Variants in WASHC3 observed in about 807,000 individuals in gnomAD.
The protein encoded by WASHC3 is WASH complex subunit CCDC53.
Under a neutral mutation model 26.1 loss-of-function variants are expected in WASHC3, and 24 were observed. The observed-to-expected ratio is 0.92, with a 90% CI of 0.66 to 1.29. The LOEUF (loss-of-function observed/expected upper bound fraction) is 1.29. WASHC3 is among the 50% of genes most tolerant of loss of function. WASHC3 has a pLI of 0.00. For synonymous variants in WASHC3, 77 were observed against 75.7 expected (o/e 1.02, Z -0.09); for missense variants, 214 against 229.6 (o/e 0.93, Z 0.44).
rs541475917 is a variant in WASHC3, at chr12:102,048,763, G to T, written c.151-2644C>A. Among the ~76,000 whole-genome samples the T allele has an allele frequency of 1.9e-3, 288 of 152,094 alleles. 1 individual carries two copies. The highest frequency in any genetic ancestry group is 6.3e-3 in the African/African-American group (261 of 41,502). ...ATAAAGAACCTACTAGTATGTCATA[G>T]TTTTAAATTTTTTTAAGTATATAAC... is the stretch of plus-strand genomic sequence containing the variant. On this transcript the variant is annotated intron_variant, in intron 2 of 6. Transcript: ENST00000240079.
At chr12:102,018,593 C>T (rs1214561577) in intron 6 of WASHC3, among the ~76,000 whole-genome samples, 1 of 152,110 alleles carries the variant, frequency 6.6e-6, no homozygotes, top group Non-Finnish European at 1.5e-5. Context: ...CTGCCTTAGC[C>T]TCCCAAGTAC....
At chr12:102,042,109 A>G (rs1877963311) in intron 4 of WASHC3, among the ~76,000 whole-genome samples, 1 of 152,136 alleles carries the variant, frequency 6.6e-6, no homozygotes, top group Non-Finnish European at 1.5e-5. Flanking sequence ...CATAATAACT[A>G]CTAGGTAGTG....
chr12:102,058,521 T>C (rs1430999847), intron 2 of WASHC3, among the ~76,000 whole-genome samples: 2 of 152,054 alleles, frequency 1.3e-5, no homozygotes, highest in African/African-American at 2.4e-5. Flanking sequence ...AAACCATCAA[T>C]AGAGTGAAGA....
chr12:102,040,003 C>CTAAAGA, intron 4 of WASHC3, 25 bp from the exon 5 acceptor site: 1 of 1,122,658 alleles, frequency 8.9e-7, no homozygotes, highest in South Asian at 1.6e-5. Flanking sequence ...TGGTGTAAAT[C>CTAAAGA]TTTAGACAAT....
intron 2 of WASHC3, among the ~76,000 whole-genome samples, chr12:102,053,876 AAAT>A (rs1298476813): frequency 1.4e-5 from 2 of 143,978 alleles, no homozygotes; most frequent in Non-Finnish European, 2.9e-5. Context: ...AAACTATTAA[AAAT>A]AATAATAGCT....
chr12:102,061,817 G>A (rs1293799015), intron 1 of WASHC3, 95 bp downstream of exon 1: 2 of 1,084,258 alleles, frequency 1.8e-6, no homozygotes, highest in African/African-American at 1.6e-5. Context: ...GCCGTGACAG[G>A]GTGGGGACTC....
chr12:102,056,804 T>A (rs531082051), intron 2 of WASHC3, among the ~76,000 whole-genome samples: 1 of 152,248 alleles, frequency 6.6e-6, no homozygotes, highest in Non-Finnish European at 1.5e-5. Flanking sequence ...CCCCCAGGAC[T>A]TGATGCCTTC....
chr12:102,040,399 T>C (rs1209517251), intron 4 of WASHC3: 5 of 152,134 alleles, frequency 3.3e-5, no homozygotes, highest in African/African-American at 1.2e-4. Context: ...ATTTCCTAGG[T>C]ATCTAGAATC....
chr12:102,039,818 G>T, intron 5 of WASHC3, 50 bp downstream of exon 5: 1 of 824,788 alleles, frequency 1.2e-6, no homozygotes, highest in South Asian at 1.7e-5. Context: ...CCAGGGTTAA[G>T]AATTTCAAGT....
chr12:102,016,363 C>G (rs1490678185), intron 6 of WASHC3, among the ~76,000 whole-genome samples: 3 of 151,592 alleles, frequency 2.0e-5, no homozygotes, highest in African/African-American at 4.9e-5. Flanking sequence ...CACCACCATG[C>G]CCAGCTAATT....
At chr12:102,040,147 C>A in intron 4 of WASHC3, 169 bp from the exon 5 acceptor site, 2 of 367,698 alleles carry the variant, frequency 5.4e-6, no homozygotes, top group Non-Finnish European at 9.9e-6. Flanking sequence ...TTCCAAATAT[C>A]TACAAATATT....
chr12:102,022,572 T>C (rs974187442), intron 6 of WASHC3, among the ~76,000 whole-genome samples: 1 of 152,146 alleles, frequency 6.6e-6, no homozygotes, highest in Non-Finnish European at 1.5e-5. Flanking sequence ...TACAAGTAGG[T>C]AGACCATCTG....
At chr12:102,048,045 T>C (rs1469130190) in intron 2 of WASHC3, among the ~76,000 whole-genome samples, 1 of 152,206 alleles carries the variant, frequency 6.6e-6, no homozygotes, top group East Asian at 1.9e-4. Context: ...TAATGGTAAA[T>C]TCTTGGGTAT....
At chr12:102,014,113 C>T (rs533069795) in intron 6 of WASHC3, among the ~76,000 whole-genome samples, 3 of 152 alleles carry the variant, frequency 0.02, no homozygotes, top group South Asian at 0.12. Flanking sequence ...GATGGAGTCT[C>T]GCTCTTGTCA....
At chr12:102,042,802 GTTTGT>G (rs1243683961) in intron 4 of WASHC3, among the ~76,000 whole-genome samples, 2 of 152,156 alleles carry the variant, frequency 1.3e-5, no homozygotes, top group African/African-American at 2.4e-5. Context: ...TTATAAATCT[GTTTGT>G]TTTATTTGTT....
chr12:102,017,603 G>T (rs1876762702), intron 6 of WASHC3: 2 of 270,590 alleles, frequency 7.4e-6, no homozygotes, highest in South Asian at 6.6e-5. Flanking sequence ...AGTACACTGG[G>T]GTGCAACAGT....
At chr12:102,041,787 C>T (rs752090733) in intron 4 of WASHC3, among the ~76,000 whole-genome samples, 9 of 152,150 alleles carry the variant, frequency 5.9e-5, no homozygotes, top group Non-Finnish European at 1.2e-4. Flanking sequence ...AATTTTATCA[C>T]AGTATTTCAA....
At chr12:102,015,551 T>C (rs1013586634) in intron 6 of WASHC3, among the ~76,000 whole-genome samples, 22 of 147,908 alleles carry the variant, frequency 1.5e-4, no homozygotes, top group African/African-American at 5.1e-4. Flanking sequence ...AATTAATAAA[T>C]GTAAAGTGTG....
At chr12:102,054,772 CATAA>C (rs1281146115) in intron 2 of WASHC3, among the ~76,000 whole-genome samples, 1 of 151,908 alleles carries the variant, frequency 6.6e-6, no homozygotes, top group Non-Finnish European at 1.5e-5. Context: ...TGAAAAAAAT[CATAA>C]ATAACTGGAA....
Sources: gnomAD v4.1 joint callset for allele counts (sites outside exome capture counted in the v4.1 genomes callset) on GRCh38, gnomAD v4.1.1 for gene constraint, MANE v1.5 for transcripts, NCBI Gene and HGNC (gene_info 2026-07-23, HGNC 2026-07-21) for gene names.